Variants in STAG1 observed in about 807,000 individuals in gnomAD.
STAG1 encodes cohesin subunit SA-1.
Under a neutral mutation model 170.9 loss-of-function variants are expected in STAG1, and 26 were observed. The observed-to-expected ratio is 0.15, with a 90% CI of 0.11 to 0.21. STAG1 has a LOEUF of 0.21. Ranked by LOEUF, STAG1 falls within the 10% of genes least tolerant of loss-of-function variation. The pLI is 1.00. For missense variants in STAG1, 964 were observed against 1,509.5 expected (o/e 0.64, Z 5.99); for synonymous variants, 514 against 497.7 (o/e 1.03, Z -0.44).
At chr3:136,540,070 C>A (rs1935814811) in intron 6 of STAG1, among the ~76,000 whole-genome samples, 1 of 152,050 alleles carries the variant, frequency 6.6e-6, no homozygotes, top group Non-Finnish European at 1.5e-5. Flanking sequence ...AAGCTAACCT[C>A]CTCAACTCCC....
chr3:136,725,124 T>C (rs561921684), intron 1 of STAG1, among the ~76,000 whole-genome samples: 3 of 152,346 alleles, frequency 2.0e-5, no homozygotes, highest in African/African-American at 7.2e-5. Context: ...TGTGTAAATC[T>C]AGTGATATTT....
intron 6 of STAG1, among the ~76,000 whole-genome samples, chr3:136,540,965 T>C (rs1935874767): frequency 6.6e-6 from 1 of 152,050 alleles, no homozygotes; most frequent in Non-Finnish European, 1.5e-5. Context: ...ATTTCTGTTT[T>C]TATCTCATTC....
At chr3:136,413,036 G>C (rs940569691) in intron 21 of STAG1, among the ~76,000 whole-genome samples, 2 of 151,216 alleles carry the variant, frequency 1.3e-5, no homozygotes, top group Non-Finnish European at 2.9e-5. Flanking sequence ...CTACTTTTTT[G>C]TATTTTTAGT....
At chr3:136,564,560 T>C (rs1444145394) in intron 5 of STAG1, among the ~76,000 whole-genome samples, 1 of 152,236 alleles carries the variant, frequency 6.6e-6, no homozygotes, top group Non-Finnish European at 1.5e-5. Flanking sequence ...CTTAGGTCTA[T>C]GTCAGGATTT....
At chr3:136,598,006 T>G (rs1200493205) in intron 4 of STAG1, among the ~76,000 whole-genome samples, 2 of 152,162 alleles carry the variant, frequency 1.3e-5, no homozygotes, top group Non-Finnish European at 2.9e-5. Context: ...CTATATATTA[T>G]CACATAATTT....
intron 1 of STAG1, among the ~76,000 whole-genome samples, chr3:136,738,891 A>G (rs1182027908): frequency 6.6e-6 from 1 of 152,198 alleles, no homozygotes; most frequent in Middle Eastern, 3.2e-3. Flanking sequence ...AAAGTTATTC[A>G]CCATAAACAT....
intron 12 of STAG1, among the ~76,000 whole-genome samples, chr3:136,466,295 G>C (rs1292356193): frequency 6.6e-6 from 1 of 152,314 alleles, no homozygotes; most frequent in African/African-American, 2.4e-5. Flanking sequence ...AACCAGCGTA[G>C]AGAAGTCCTT....
chr3:136,361,153 T>G (rs1452287991), intron 26 of STAG1, among the ~76,000 whole-genome samples: 1 of 152,202 alleles, frequency 6.6e-6, no homozygotes, highest in Admixed American at 6.5e-5. Flanking sequence ...GTGTTTAAAG[T>G]CTGAAAGTTT....
intron 26 of STAG1, among the ~76,000 whole-genome samples, chr3:136,362,675 C>T (rs1438993179): frequency 6.6e-6 from 1 of 150,534 alleles, no homozygotes; most frequent in Non-Finnish European, 1.5e-5. Flanking sequence ...ATTATGAACT[C>T]TGTGACTTCT....
At chr3:136,498,868 T>G (rs1449035216) in intron 9 of STAG1, among the ~76,000 whole-genome samples, 4 of 152,170 alleles carry the variant, frequency 2.6e-5, no homozygotes, top group Non-Finnish European at 5.9e-5. Flanking sequence ...AAAAGAACAT[T>G]TTATTCTTTT....
At chr3:136,503,677 T>A (rs544754591) in intron 7 of STAG1, among the ~76,000 whole-genome samples, 76 of 152,354 alleles carry the variant, frequency 5.0e-4, no homozygotes, top group African/African-American at 1.7e-3. Flanking sequence ...CTGATTCATT[T>A]ATCTGCAAAC....
At chr3:136,512,826 G>A (rs1934141367) in intron 7 of STAG1, among the ~76,000 whole-genome samples, 1 of 151,830 alleles carries the variant, frequency 6.6e-6, no homozygotes, top group Non-Finnish European at 1.5e-5. Flanking sequence ...CATGCCAGAG[G>A]TGAACACACA....
intron 28 of STAG1, among the ~76,000 whole-genome samples, chr3:136,351,128 C>G (rs929058262): frequency 1.3e-5 from 2 of 151,756 alleles, no homozygotes; most frequent in Non-Finnish European, 2.9e-5. Flanking sequence ...CTTCATTTCA[C>G]TAGCTCCCTT....
chr3:136,572,061 A>G (rs910171649), intron 4 of STAG1, among the ~76,000 whole-genome samples: 1 of 151,928 alleles, frequency 6.6e-6, no homozygotes, highest in African/African-American at 2.4e-5. Context: ...AAGAAAAAAC[A>G]AAAAAGAGCC....
intron 1 of STAG1, among the ~76,000 whole-genome samples, chr3:136,685,444 T>C (rs1942485347): frequency 6.6e-6 from 1 of 152,198 alleles, no homozygotes; most frequent in African/African-American, 2.4e-5. Context: ...ACTAAACATA[T>C]TCTTTTCATA....
chr3:136,665,492 AAAG>A (rs1272873043), intron 1 of STAG1, among the ~76,000 whole-genome samples: 2 of 152,174 alleles, frequency 1.3e-5, no homozygotes, highest in Non-Finnish European at 2.9e-5. Flanking sequence ...TTTAGAAGTG[AAAG>A]AAGGCCAGGC....
chr3:136,362,172 TG>T (rs945394588), intron 26 of STAG1, among the ~76,000 whole-genome samples: 17 of 151,524 alleles, frequency 1.1e-4, no homozygotes, highest in Non-Finnish European at 2.4e-4. Flanking sequence ...TTGACCAGGC[TG>T]GTCTCGAACT....
At chr3:136,586,865 T>A in intron 4 of STAG1, 1 of 456,646 alleles carries the variant, frequency 2.2e-6, no homozygotes. Context: ...TTCTAAGAAG[T>A]AGACACTGCT....
intron 2 of STAG1, among the ~76,000 whole-genome samples, chr3:136,630,040 C>G (rs1297196011): frequency 1.3e-5 from 2 of 151,858 alleles, no homozygotes; most frequent in Non-Finnish European, 2.9e-5. Context: ...ACTAAAAATA[C>G]AAAAATTAGC....
Sources: gnomAD v4.1 joint callset for allele counts (sites outside exome capture counted in the v4.1 genomes callset) on GRCh38, gnomAD v4.1.1 for gene constraint, MANE v1.5 for transcripts, NCBI Gene and HGNC (gene_info 2026-07-23, HGNC 2026-07-21) for gene names.